The following TMEM273 variants were observed in gnomAD, a reference collection of about 807,000 sequenced individuals.
The protein encoded by TMEM273 is chromosome 10 open reading frame 128.
In TMEM273, 19 loss-of-function variants were observed where a neutral mutation model predicts 17.9. The observed-to-expected ratio is 1.06, with a 90% CI of 0.74 to 1.55. The LOEUF is 1.55. Among genes scored for constraint, TMEM273 ranks in the 40% most tolerant of loss-of-function variants. TMEM273 has a pLI of 0.00. For synonymous variants in TMEM273, 66 were observed against 62.0 expected, an observed-to-expected ratio of 1.07 and a Z score of -0.31; for missense variants, 194 against 155.6, an observed-to-expected ratio of 1.25 and a Z score of -1.31.
intron 1 of TMEM273, among the ~76,000 whole-genome samples, chr10:49,171,224 C>A (rs1338238880): frequency 1.3e-5 from 2 of 152,218 alleles, no homozygotes; most frequent in Non-Finnish European, 2.9e-5. Flanking sequence ...ACAGTTCTGG[C>A]CAAATCTGGC....
chr10:49,167,533 C>G (rs1186482529), intron 2 of TMEM273, among the ~76,000 whole-genome samples: 2 of 152,196 alleles, frequency 1.3e-5, no homozygotes, highest in African/African-American at 4.8e-5. Flanking sequence ...CAGACTGAGC[C>G]TGGCCAGCAG....
intron 1 of TMEM273, among the ~76,000 whole-genome samples, chr10:49,187,487 T>G (rs931575290): frequency 2.0e-5 from 3 of 152,198 alleles, no homozygotes; most frequent in Non-Finnish European, 4.4e-5. Context: ...AAGGAACGTC[T>G]TTGTATATAT....
At chr10:49,173,731 C>A (rs1296497013) in intron 1 of TMEM273, among the ~76,000 whole-genome samples, 1 of 152,158 alleles carries the variant, frequency 6.6e-6, no homozygotes, top group Non-Finnish European at 1.5e-5. Flanking sequence ...CTGGGGGATG[C>A]CGAGAAAGGT....
chr10:49,167,594 C>T (rs1188324978), intron 2 of TMEM273, among the ~76,000 whole-genome samples: 1 of 152,194 alleles, frequency 6.6e-6, no homozygotes, highest in Admixed American at 6.5e-5. Context: ...TGGAGGGAGG[C>T]ACCGATGAGG....
intron 1 of TMEM273, among the ~76,000 whole-genome samples, chr10:49,171,342 C>G (rs1382958881): frequency 6.6e-6 from 1 of 152,172 alleles, no homozygotes; most frequent in Non-Finnish European, 1.5e-5. Flanking sequence ...GCCCTTGCTG[C>G]TGCCTAGAGC....
At chr10:49,160,045 A>G (rs1053067417) in intron 6 of TMEM273, among the ~76,000 whole-genome samples, 1 of 152,230 alleles carries the variant, frequency 6.6e-6, no homozygotes, top group Non-Finnish European at 1.5e-5. Flanking sequence ...TTGTGGATGA[A>G]TGTCAGCTAT....
intron 1 of TMEM273, among the ~76,000 whole-genome samples, chr10:49,186,092 A>AGGAGAAGAAGAAGAG (rs1847685906): frequency 1.3e-5 from 2 of 149,214 alleles, no homozygotes; most frequent in African/African-American, 5.0e-5. Context: ...AAGAAGAAGA[A>AGGAGAAGAAGAAGAG]GAAGAAGAAG....
intron 1 of TMEM273, chr10:49,178,356 C>T (rs201247357): frequency 1.2e-4 from 55 of 454,552 alleles, no homozygotes; most frequent in Non-Finnish European, 2.0e-4. Flanking sequence ...CAAACAAGTG[C>T]TAATTACTGA....
At chr10:49,178,417 G>A (rs1170667371) in intron 1 of TMEM273, 2 of 414,504 alleles carry the variant, frequency 4.8e-6, no homozygotes, top group African/African-American at 4.0e-5. Context: ...CCCTGACGGT[G>A]GTGACAGTAC....
chr10:49,179,657 A>C (rs1221929223), intron 1 of TMEM273, among the ~76,000 whole-genome samples: 1 of 152,262 alleles, frequency 6.6e-6, no homozygotes, highest in Non-Finnish European at 1.5e-5. Flanking sequence ...AGAAGAAGGC[A>C]GACTGGCTAG....
rs187575558 is a variant in TMEM273, at chr10:49,161,641, G to A, written c.349-19C>T. The A allele has an allele frequency of 6.2e-7, 1 of 1,614,214 alleles. No individual in the cohort carries two copies. The highest frequency in any genetic ancestry group is 8.5e-7 in the Non-Finnish European group (1 of 1,180,014). On this transcript the variant is annotated intron_variant, in intron 5 of 6. Coordinates refer to ENST00000374153, the MANE Select transcript of TMEM273 (RefSeq NM_001288740.3). Reference sequence around the variant, plus strand: ...GTTTCGCCTGCAAAACAAGATAAAAGGGTGTTCATTGCCTAAGCCTTAGAA... The same window carrying A: ...GTTTCGCCTGCAAAACAAGATAAAAAGGTGTTCATTGCCTAAGCCTTAGAA...
Position 49,175,308 on chromosome 10 carries a change from G to A in TMEM273, c.44-7346C>T, listed in dbSNP as rs1408149180. 2.6e-5 allele frequency among the ~76,000 whole-genome samples: 4 copies of A among 152,294 alleles called. No individual in the cohort carries two copies. The East Asian group carries it at 7.8e-4, about 30-fold the overall frequency. On this transcript the variant is annotated intron_variant, in intron 1 of 6. Transcript: ENST00000374153. ...GGCCACCCTGCTCCCAGAGGTGGGAGTGCTTGGCCACTCATATCTTGCCTG... is the reference window on the plus strand; with the variant it reads ...GGCCACCCTGCTCCCAGAGGTGGGAATGCTTGGCCACTCATATCTTGCCTG...
At chr10:49,163,807 C>T (rs953864281) in intron 5 of TMEM273, among the ~76,000 whole-genome samples, 2 of 152,122 alleles carry the variant, frequency 1.3e-5, no homozygotes, top group Admixed American at 6.5e-5. Context: ...CTGCTGAAAA[C>T]TAGAATATCT....
chr10:49,166,907 T>G lies in TMEM273; in HGVS notation c.200A>C (p.Asp67Ala), dbSNP rs776316896. Residue 67 changes from aspartate to alanine, a missense_variant, in exon 3 of 7, where the codon GAC becomes GCC. Asp to Ala is a moderately radical substitution (Grantham distance 126). Transcript: ENST00000374153. ...CMIRRHLFDD[D>A]SSDLKSTPGG... ...AGGCGTGCTTTTCAGGTCGGAAGAG[T>G]CGTCGTCAAATAAGTGCCTCCTGAT... 1 of 1,612,426 alleles carries G rather than the reference T, an allele frequency of 6.2e-7. No individual in the cohort carries two copies. The highest frequency in any genetic ancestry group is 1.1e-5 in the South Asian group (1 of 91,002).
rs117917947 is a variant in TMEM273, at chr10:49,182,355, G to A, written c.43+5939C>T. On this transcript the variant is annotated intron_variant, in intron 1 of 6. Transcript: ENST00000374153. ...TGACTTTGACTTGTAAGATAAAAAC[G>A]AATTTAATTCTCTTTACCCGGGCCT... Among the ~76,000 whole-genome samples, 154 of 151,844 alleles carry A rather than the reference G, an allele frequency of 1.0e-3. 1 individual carries two copies. In the East Asian group the frequency reaches 0.027, roughly 27 times the overall value.
chr10:49,172,851 G>T (rs962223601), intron 1 of TMEM273, among the ~76,000 whole-genome samples: 26 of 152,344 alleles, frequency 1.7e-4, no homozygotes, highest in African/African-American at 5.8e-4. Flanking sequence ...TGGGCAAAGT[G>T]GGGGAGCCAA....
chr10:49,172,953 C>T (rs1390329676), intron 1 of TMEM273, among the ~76,000 whole-genome samples: 1 of 152,232 alleles, frequency 6.6e-6, no homozygotes, highest in Non-Finnish European at 1.5e-5. Context: ...TTTATTCTTC[C>T]TGTCAACTGT....
At chr10:49,166,736 G>C in intron 3 of TMEM273, 133 bp downstream of exon 3, 1 of 1,336,248 alleles carries the variant, frequency 7.5e-7, no homozygotes, top group South Asian at 1.2e-5. Context: ...AACATGCAGA[G>C]GTCACTGCCT....
chr10:49,170,666 G>T (rs1238880736), intron 1 of TMEM273, among the ~76,000 whole-genome samples: 2 of 152,098 alleles, frequency 1.3e-5, no homozygotes, highest in South Asian at 2.1e-4. Context: ...ACAGCCAAGG[G>T]CCCAGCCCTT....
Sources: allele counts gnomAD v4.1 joint callset (sites outside exome capture counted in the v4.1 genomes callset), GRCh38; gene constraint gnomAD v4.1.1; transcripts MANE v1.5; gene names NCBI Gene and HGNC (gene_info 2026-07-23, HGNC 2026-07-21).